LRRIQ3: variants seen among roughly 807,000 people sequenced by gnomAD.
LRRIQ3 encodes the protein leucine-rich repeat and IQ domain-containing protein 3.
Under a neutral mutation model 59.3 loss-of-function variants are expected in LRRIQ3, and 75 were observed. The ratio of observed to expected loss-of-function variants is 1.26; its 90% CI spans 1.05 to 1.53. LRRIQ3 has a LOEUF of 1.53. Among genes scored for constraint, LRRIQ3 ranks in the 40% most tolerant of loss-of-function variants. LRRIQ3 has a pLI of 0.00. For missense variants in LRRIQ3, 831 were observed against 710.0 expected (o/e 1.17, Z -1.94); for synonymous variants, 250 against 231.3 (o/e 1.08, Z -0.73).
At chr1:74,162,236 A>G (rs999398748) in intron 3 of LRRIQ3, among the ~76,000 whole-genome samples, 2 of 151,844 alleles carry the variant, frequency 1.3e-5, no homozygotes, top group Admixed American at 6.6e-5. Context: ...GATACTTACA[A>G]AATTTTATCT....
intron 4 of LRRIQ3, among the ~76,000 whole-genome samples, chr1:74,127,061 G>A (rs979426129): frequency 6.6e-6 from 1 of 151,728 alleles, no homozygotes; most frequent in African/African-American, 2.4e-5. Context: ...ATTTAAAATT[G>A]TTATATCCCC....
At chr1:74,154,639 C>A (rs1648210741) in intron 4 of LRRIQ3, among the ~76,000 whole-genome samples, 1 of 152,084 alleles carries the variant, frequency 6.6e-6, no homozygotes, top group Non-Finnish European at 1.5e-5. Context: ...TGGGAAATAA[C>A]CTAAAAACAA....
intron 3 of LRRIQ3, among the ~76,000 whole-genome samples, chr1:74,163,167 G>T (rs1401890401): frequency 6.6e-6 from 1 of 151,296 alleles, no homozygotes; most frequent in East Asian, 1.9e-4. Flanking sequence ...CATTTTCTCA[G>T]CATATTTGAA....
intron 7 of LRRIQ3, among the ~76,000 whole-genome samples, chr1:74,036,405 T>A (rs1253087252): frequency 6.6e-6 from 1 of 152,188 alleles, no homozygotes; most frequent in Non-Finnish European, 1.5e-5. Context: ...GTTCCAATCA[T>A]ACTTCTACAA....
intron 3 of LRRIQ3, among the ~76,000 whole-genome samples, chr1:74,178,782 C>G (rs533122871): frequency 2.2e-4 from 33 of 152,232 alleles, no homozygotes; most frequent in African/African-American, 5.5e-4. Flanking sequence ...AGAAGTCTAT[C>G]AAGTAAGACA....
chr1:74,121,631 G>A (rs140021188), intron 4 of LRRIQ3, among the ~76,000 whole-genome samples: 2 of 151,612 alleles, frequency 1.3e-5, no homozygotes, highest in Admixed American at 6.6e-5. Flanking sequence ...TGTGCACAAC[G>A]TGCAGGTTAG....
chr1:74,099,589 C>G (rs1646501450), intron 5 of LRRIQ3, among the ~76,000 whole-genome samples: 1 of 152,120 alleles, frequency 6.6e-6, no homozygotes, highest in Admixed American at 6.6e-5. Flanking sequence ...CAAAGCCTAG[C>G]AGAGACACAA....
At chr1:74,037,332 AG>A (rs1653901339) in intron 7 of LRRIQ3, among the ~76,000 whole-genome samples, 1 of 152,144 alleles carries the variant, frequency 6.6e-6, no homozygotes, top group Admixed American at 6.5e-5. Context: ...TGAGGTATGC[AG>A]GGTCTTCATC....
intron 4 of LRRIQ3, among the ~76,000 whole-genome samples, chr1:74,113,436 A>C (rs1646731451): frequency 6.6e-6 from 1 of 152,102 alleles, no homozygotes; most frequent in Non-Finnish European, 1.5e-5. Context: ...AGTCCAATGA[A>C]TGTAAAGAGG....
At chr1:74,162,086 T>G (rs1406823910) in intron 3 of LRRIQ3, among the ~76,000 whole-genome samples, 3 of 151,872 alleles carry the variant, frequency 2.0e-5, no homozygotes, top group African/African-American at 7.2e-5. Context: ...AAAATGGAGA[T>G]AACGATGGTA....
intron 5 of LRRIQ3, among the ~76,000 whole-genome samples, chr1:74,094,472 A>C (rs1354188646): frequency 6.6e-6 from 1 of 152,062 alleles, no homozygotes; most frequent in Admixed American, 6.6e-5. Context: ...GCCACAGAAT[A>C]TAGGCAGCTT....
chr1:74,088,265 A>T lies in LRRIQ3; in HGVS notation c.868-13475T>A, dbSNP rs555433765. Among the ~76,000 whole-genome samples the T allele has an allele frequency of 7.2e-5, 11 of 152,256 alleles. No homozygotes were observed. The East Asian group carries it at 2.1e-3, about 29-fold the overall frequency. ...TTTCAGAGAAAATAACACAACATTCATACACATGGGAGGAATTATTTGCAT... is the reference window on the plus strand; with the variant it reads ...TTTCAGAGAAAATAACACAACATTCTTACACATGGGAGGAATTATTTGCAT... On this transcript the variant is annotated intron_variant, in intron 5 of 7. Transcript: ENST00000354431.
At chr1:74,079,117 A>T (rs1646242913) in intron 5 of LRRIQ3, among the ~76,000 whole-genome samples, 1 of 151,766 alleles carries the variant, frequency 6.6e-6, no homozygotes, top group Admixed American at 6.6e-5. Flanking sequence ...GGCTTTTATA[A>T]TATACATTTT....
At chr1:74,186,062 T>C (rs566311502) in intron 1 of LRRIQ3, among the ~76,000 whole-genome samples, 1 of 148,826 alleles carries the variant, frequency 6.7e-6, no homozygotes, top group Non-Finnish European at 1.5e-5. Context: ...TATATATAAT[T>C]ATATTTAATA....
At chr1:74,148,076 G>C (rs922066884) in intron 4 of LRRIQ3, among the ~76,000 whole-genome samples, 4 of 151,852 alleles carry the variant, frequency 2.6e-5, no homozygotes, top group African/African-American at 9.7e-5. Context: ...TTTTCCTTTG[G>C]AATCTGTTTA....
intron 6 of LRRIQ3, among the ~76,000 whole-genome samples, chr1:74,044,096 A>G (rs1238261122): frequency 6.6e-6 from 1 of 152,132 alleles, no homozygotes; most frequent in Non-Finnish European, 1.5e-5. Context: ...TTAAAGCTCT[A>G]TGTAGTAGTT....
intron 6 of LRRIQ3, among the ~76,000 whole-genome samples, chr1:74,054,915 A>C (rs1475640057): frequency 6.8e-6 from 1 of 147,616 alleles, no homozygotes; most frequent in Non-Finnish European, 1.5e-5. Flanking sequence ...TATAAATTAT[A>C]TAAAATGTAT....
chr1:74,138,619 G>T (rs1035029368), intron 4 of LRRIQ3: 3 of 324,090 alleles, frequency 9.3e-6, no homozygotes, highest in East Asian at 3.4e-4. Context: ...TTTCAAGAAA[G>T]CAGCCAGCGA....
Position 74,026,677 on chromosome 1 carries a change from T to A in LRRIQ3, c.*136A>T. On this transcript the variant is annotated 3_prime_UTR_variant, in exon 8 of 8. Coordinates refer to ENST00000354431, the MANE Select transcript of LRRIQ3 (RefSeq NM_001105659.2). ...AGAGAAACATTTTAACTAATCTTTA[T>A]ATTTTTAGAAGACTTATATATAAAT... is the stretch of plus-strand genomic sequence containing the variant. The A allele has an allele frequency of 1.5e-6, 1 of 674,736 alleles. No homozygotes were observed. The highest frequency in any genetic ancestry group is 2.6e-5 in the South Asian group (1 of 38,540). 41.8% of individuals were successfully genotyped at this position (674,736 alleles called of 1,614,324 possible).
Sources: gnomAD v4.1 joint callset for allele counts (sites outside exome capture counted in the v4.1 genomes callset) on GRCh38, gnomAD v4.1.1 for gene constraint, MANE v1.5 for transcripts, NCBI Gene and HGNC (gene_info 2026-07-23, HGNC 2026-07-21) for gene names.